PKD1L1: variants seen among roughly 807,000 people sequenced by gnomAD.
The protein encoded by PKD1L1 is polycystin 1 like 1, transient receptor potential channel interacting.
PKD1L1 carries 236 observed loss-of-function variants against 323.4 expected under a neutral mutation model. The observed-to-expected ratio is 0.73, with a 90% CI of 0.66 to 0.81. The LOEUF is 0.81. Ranked by LOEUF, PKD1L1 falls within the 40% of genes least tolerant of loss-of-function variation. The pLI, the probability that PKD1L1 is intolerant of heterozygous loss-of-function variation, is 0.00. For synonymous variants in PKD1L1, 1,344 were observed against 1,335.0 expected (o/e 1.01, Z -0.15); for missense variants, 3,320 against 3,508.0 (o/e 0.95, Z 1.35).
rs1193584491 is a variant in PKD1L1, at chr7:47,929,284, C to T, written c.980G>A (p.Gly327Glu). 2 of 1,614,156 alleles carry T rather than the reference C, an allele frequency of 1.2e-6. No individual in the cohort carries two copies. Among genetic ancestry groups the T allele is most frequent in the Non-Finnish European group, 8.5e-7 (1 of 1,180,032 alleles). ...GEALCLMMDF[G>E]DSSGVEMRLH... ...CCTCATTTCAACCCCAGAACTGTCC[C>T]CGAAATCCATCATCAGACAGAGAGC... The change falls in exon 7 of 57, where the codon GGG (glycine) becomes GAG (glutamate). Residue 327 changes from glycine to glutamate, a missense_variant. By Grantham distance (98) the Gly-to-Glu change is moderately conservative. Transcript: ENST00000289672.
chr7:47,792,700 G>GT lies in PKD1L1; in HGVS notation c.8452dup (p.Thr2818AsnfsTer20), dbSNP rs761514270. 66 of 1,614,080 alleles carry GT rather than the reference G, an allele frequency of 4.1e-5. No individual in the cohort carries two copies. In the African/African-American group the frequency reaches 8.7e-4, roughly 21 times the overall value. On this transcript the variant is annotated frameshift_variant, in exon 56 of 57. Transcript: ENST00000289672. LOFTEE classifies it high-confidence loss of function. Reference sequence around the variant, plus strand: ...CCTTGCCTCCCCTGTGTTGTTGGATGTTTTTTCCAGAAGGGGGAGTTGTAG... The same window carrying GT: ...CCTTGCCTCCCCTGTGTTGTTGGATGTTTTTTTCCAGAAGGGGGAGTTGTAG...
intron 13 of PKD1L1, among the ~76,000 whole-genome samples, chr7:47,900,688 A>G (rs1787067374): frequency 6.6e-6 from 1 of 152,186 alleles, no homozygotes; most frequent in South Asian, 2.1e-4. Context: ...AGATCATGCC[A>G]TTGCACTTCA....
At chr7:47,910,306 G>T (rs1787290844) in intron 8 of PKD1L1, among the ~76,000 whole-genome samples, 1 of 151,232 alleles carries the variant, frequency 6.6e-6, no homozygotes, top group African/African-American at 2.4e-5. Context: ...GGAAATCTTT[G>T]TGACCAAATC....
At chr7:47,815,273 C>A in intron 47 of PKD1L1, 61 bp downstream of exon 47, 1 of 1,581,852 alleles carries the variant, frequency 6.3e-7, no homozygotes, top group South Asian at 1.2e-5. Flanking sequence ...GTGACTGTTT[C>A]ACCCACTGCA....
intron 46 of PKD1L1, 140 bp from the exon 47 acceptor site, chr7:47,815,597 G>T: frequency 1.0e-6 from 1 of 964,320 alleles, no homozygotes; most frequent in Non-Finnish European, 1.5e-6. Flanking sequence ...CAAGCTGCTT[G>T]CAGCGTGAAG....
chr7:47,945,408 C>T (rs1378795404), intron 1 of PKD1L1, among the ~76,000 whole-genome samples: 1 of 152,060 alleles, frequency 6.6e-6, no homozygotes, highest in Non-Finnish European at 1.5e-5. Context: ...AGAGGGCAGA[C>T]GAGGACAATA....
intron 55 of PKD1L1, 145 bp from the exon 56 acceptor site, chr7:47,792,942 G>T: frequency 1.4e-6 from 1 of 721,790 alleles, no homozygotes; most frequent in Non-Finnish European, 2.2e-6. Context: ...GCAGTTAGAA[G>T]ACCTGGGTGC....
the PKD1L1 span, among the ~76,000 whole-genome samples, chr7:47,958,280 C>A: frequency 6.6e-6 from 1 of 152,064 alleles, no homozygotes; most frequent in Non-Finnish European, 1.5e-5. Context: ...GGAATAAATC[C>A]ACACATTTAC....
At chr7:47,819,032 C>T (rs1785084793) in intron 46 of PKD1L1, among the ~76,000 whole-genome samples, 1 of 152,158 alleles carries the variant, frequency 6.6e-6, no homozygotes. Context: ...TCATCCATTT[C>T]CACTCCTGGG....
intron 46 of PKD1L1, among the ~76,000 whole-genome samples, chr7:47,816,255 C>G (rs560859615): frequency 5.3e-5 from 8 of 152,290 alleles, no homozygotes; most frequent in African/African-American, 1.9e-4. Context: ...TGTTTTCTTT[C>G]CAATTAACTT....
intron 14 of PKD1L1, among the ~76,000 whole-genome samples, chr7:47,897,700 C>G (rs538091380): frequency 9.8e-5 from 15 of 152,308 alleles, no homozygotes; most frequent in African/African-American, 3.6e-4. Context: ...CTCCTGACAT[C>G]CCGGCACCAG....
At position 47,890,566 on chromosome 7, in the gene PKD1L1, G is replaced by A; in HGVS notation, c.2651C>T (p.Ser884Phe). The A allele has an allele frequency of 1.2e-6, 2 of 1,614,104 alleles. No homozygotes were observed. Among genetic ancestry groups the A allele is most frequent in the Non-Finnish European group, 8.5e-7 (1 of 1,180,030 alleles). ...RNSSETRVFLSPYPDSAFRFV... is the reference protein window; with the variant it reads ...RNSSETRVFLFPYPDSAFRFV... ...CCTGAACGCCGAGTCAGGGTAGGGG[G>A]ACAGGAACACCCGGGTCTCAGAAGA... The change falls in exon 16 of 57, where the codon TCC becomes TTC. Residue 884 changes from serine (S) to phenylalanine (F), a missense_variant. Coordinates refer to ENST00000289672, the MANE Select transcript of PKD1L1 (RefSeq NM_138295.5).
At chr7:47,829,722 G>T in intron 43 of PKD1L1, 121 bp from the exon 44 acceptor site, 1 of 1,078,218 alleles carries the variant, frequency 9.3e-7, no homozygotes, top group Non-Finnish European at 1.3e-6. Flanking sequence ...AAAGACACCA[G>T]TAGTCACTGC....
the PKD1L1 span, among the ~76,000 whole-genome samples, chr7:47,960,663 AAGG>A: frequency 6.7e-6 from 1 of 150,126 alleles, no homozygotes; most frequent in Non-Finnish European, 1.5e-5. Context: ...AGATGTATGA[AAGG>A]AGCAGAAATA....
rs571378951 is a variant in PKD1L1 at position 47,803,426 on chromosome 7, T to C, written c.7828-82A>G. 2.0e-5 allele frequency: 30 copies of C among 1,507,918 alleles called. No homozygotes were observed. The South Asian group carries it at 3.5e-4, about 18-fold the overall frequency. 93.4% of individuals were successfully genotyped at this position (1,507,918 alleles called of 1,614,324 possible). ...CATATTCACAGCTGTCAGTCATGCA[T>C]AAAGAGTTCATTGGATTTGATGATG... On this transcript the variant is annotated intron_variant, in intron 52 of 56. Coordinates refer to ENST00000289672, the MANE Select transcript of PKD1L1 (RefSeq NM_138295.5).
chr7:47,930,233 T>C (rs1325925149), intron 6 of PKD1L1, among the ~76,000 whole-genome samples: 4 of 151,952 alleles, frequency 2.6e-5, no homozygotes, highest in Non-Finnish European at 5.9e-5. Context: ...TTTTTTTTTT[T>C]CCTCTTCCAG....
At position 47,812,024 on chromosome 7, in the gene PKD1L1, T is replaced by A; in HGVS notation, c.7374A>T (p.Arg2458=). The change falls in exon 50 of 57, where the codon CGA becomes CGT. Residue 2458 remains arginine, a synonymous_variant. Transcript: ENST00000289672. The part of the protein sequence containing the change: ...TRTEAHTALS[R]LRASMWIDRS... The stretch of plus-strand genomic sequence containing the variant: ...GGTCAATCCACATGCTGGCCCTGAG[T>A]CGGGACAGGGCTGTGTGGGCTTCAG... 1 of 1,572,714 alleles carries A rather than the reference T, an allele frequency of 6.4e-7. No homozygotes were observed. Among genetic ancestry groups the A allele is most frequent in the Non-Finnish European group, 8.6e-7 (1 of 1,158,914 alleles).
At chr7:47,880,903 G>T in intron 20 of PKD1L1, 98 bp from the exon 21 acceptor site, 1 of 879,936 alleles carries the variant, frequency 1.1e-6, no homozygotes, top group South Asian at 1.8e-5. Context: ...CTTCCCCCAG[G>T]GGTGAAATTA....
At position 47,835,022 on chromosome 7, in the gene PKD1L1, G is replaced by T. The variant is rs1785427231; in HGVS notation, c.6072C>A (p.Ala2024=). The T allele has an allele frequency of 1.2e-6, 2 of 1,613,936 alleles. No homozygotes were observed. The highest frequency in any genetic ancestry group is 1.3e-5 in the African/African-American group (1 of 75,032). The change falls in exon 39 of 57, where the codon GCC becomes GCA. Residue 2024 remains alanine, a synonymous_variant. Transcript: ENST00000289672. ...TAAGTGGGCTGTGTGGCTCCACTCG[G>T]GCAGACCCCGGGGCTTCCTGCAGAA... The part of the protein sequence containing the change: ...FRLSKEAPGS[A]RVEPHSPLRG...
Sources: gnomAD v4.1 joint callset for allele counts (sites outside exome capture counted in the v4.1 genomes callset) on GRCh38, gnomAD v4.1.1 for gene constraint, MANE v1.5 for transcripts, NCBI Gene and HGNC (gene_info 2026-07-23, HGNC 2026-07-21) for gene names.